Variants in ANKRD44 observed in about 807,000 individuals in gnomAD.
The protein encoded by ANKRD44 is serine/threonine-protein phosphatase 6 regulatory ankyrin repeat subunit B.
In ANKRD44, 35 loss-of-function variants were observed where a neutral mutation model predicts 116.0. The ratio of observed to expected loss-of-function variants is 0.30; its 90% CI spans 0.23 to 0.40. The LOEUF is 0.40. Among genes scored for constraint, ANKRD44 ranks in the 10% least tolerant of loss-of-function variants. The pLI, the probability that ANKRD44 is intolerant of heterozygous loss-of-function variation, is 1.00. For synonymous variants in ANKRD44, 435 were observed against 461.8 expected (o/e 0.94, Z 0.74); for missense variants, 1,014 against 1,242.6 (o/e 0.82, Z 2.77).
chr2:197,292,550 A>G (rs1175155965), intron 1 of ANKRD44, among the ~76,000 whole-genome samples: 1 of 152,234 alleles, frequency 6.6e-6, no homozygotes, highest in Non-Finnish European at 1.5e-5. Context: ...CAACATTTGT[A>G]TTATGCCAGG....
rs75046183 is a variant in ANKRD44 at position 197,130,125 on chromosome 2, C to T, written c.262-4088G>A. ...TCCCTGAGGCTGCTCTTAAGTCCTG[C>T]AGGCTTATGCTATATTACTGTAATC... is the stretch of plus-strand genomic sequence containing the variant. On this transcript the variant is annotated intron_variant, in intron 4 of 27. Transcript: ENST00000282272. Among the ~76,000 whole-genome samples, 20 of 152,288 alleles carry T rather than the reference C, an allele frequency of 1.3e-4. 1 individual carries two copies. In the East Asian group the frequency reaches 3.9e-3, roughly 29 times the overall value.
intron 16 of ANKRD44, among the ~76,000 whole-genome samples, chr2:197,070,130 G>C (rs1291345699): frequency 6.6e-6 from 1 of 152,002 alleles, no homozygotes; most frequent in Non-Finnish European, 1.5e-5. Flanking sequence ...ATGACTTCTA[G>C]GATTTTTTGG....
intron 16 of ANKRD44, among the ~76,000 whole-genome samples, chr2:197,057,238 T>A (rs1222147179): frequency 6.6e-6 from 1 of 152,246 alleles, no homozygotes; most frequent in Admixed American, 6.5e-5. Flanking sequence ...AATACTTGCA[T>A]TGATTGAAAT....
intron 1 of ANKRD44, among the ~76,000 whole-genome samples, chr2:197,245,976 C>A (rs1381692881): frequency 6.6e-6 from 1 of 152,138 alleles, no homozygotes; most frequent in African/African-American, 2.4e-5. Flanking sequence ...TGAACTCTAT[C>A]CCAGTGCTTC....
Position 197,212,418 on chromosome 2 carries a change from G to C in ANKRD44, c.28-25312C>G, listed in dbSNP as rs115499625. On this transcript the variant is annotated intron_variant, in intron 1 of 27. Transcript: ENST00000282272. This position sits in a 1 kb window ranked among gnomAD's most constrained non-coding sequence, Gnocchi z 4.8. ...CCCCTATGTATTTAATGGTTATCTA[G>C]TCAGTCCATTGTTGCCTAGACAAAG... Among the ~76,000 whole-genome samples the C allele has an allele frequency of 2.0e-3, 310 of 152,240 alleles. 3 individuals carry two copies. The highest frequency in any genetic ancestry group is 6.4e-3 in the African/African-American group (265 of 41,542).
intron 1 of ANKRD44, among the ~76,000 whole-genome samples, chr2:197,193,487 G>A (rs1212446074): frequency 2.6e-5 from 4 of 152,100 alleles, no homozygotes; most frequent in Non-Finnish European, 5.9e-5. Context: ...TTAATGCTAT[G>A]GTATCAGACT....
intron 16 of ANKRD44, among the ~76,000 whole-genome samples, chr2:197,027,789 G>A (rs896942386): frequency 2.6e-5 from 4 of 151,304 alleles, no homozygotes; most frequent in African/African-American, 9.7e-5. Context: ...CAGGCTTAAC[G>A]GATTCTCCCA....
At chr2:197,112,453 T>C (rs186015822) in intron 8 of ANKRD44, among the ~76,000 whole-genome samples, 1 of 152,298 alleles carries the variant, frequency 6.6e-6, no homozygotes, top group Admixed American at 6.5e-5. Flanking sequence ...CTCACGCCTG[T>C]AATCCCAGCA....
At chr2:197,223,623 T>A (rs1335257343) in intron 1 of ANKRD44, among the ~76,000 whole-genome samples, 1 of 152,190 alleles carries the variant, frequency 6.6e-6, no homozygotes, top group Non-Finnish European at 1.5e-5. Flanking sequence ...TAATTTCCTT[T>A]TACACAGATG....
intron 16 of ANKRD44, among the ~76,000 whole-genome samples, chr2:197,064,096 T>G (rs1323608212): frequency 2.6e-5 from 4 of 152,218 alleles, no homozygotes; most frequent in Non-Finnish European, 5.9e-5. Context: ...GACTAACAGC[T>G]GATCTCTTGG....
intron 4 of ANKRD44, among the ~76,000 whole-genome samples, chr2:197,128,820 T>C (rs2697265): frequency 0.94 from 142,554 of 152,262 alleles, 66,945 homozygotes; most frequent in East Asian, 1. Flanking sequence ...TTTAACAGTG[T>C]TTTTCAAACT....
At chr2:197,159,228 T>C (rs1026762090) in intron 2 of ANKRD44, among the ~76,000 whole-genome samples, 6 of 152,236 alleles carry the variant, frequency 3.9e-5, no homozygotes, top group African/African-American at 1.4e-4. Context: ...TTAGTAGTTC[T>C]TTCCAAGTTT....
intron 21 of ANKRD44, among the ~76,000 whole-genome samples, chr2:196,980,461 T>C (rs1282829739): frequency 6.6e-6 from 1 of 152,264 alleles, no homozygotes; most frequent in African/African-American, 2.4e-5. Context: ...AGCTTTCTAT[T>C]TATTTAGTTT....
chr2:196,989,519 CACACAT>C lies in ANKRD44; in HGVS notation c.*66_*71del. On this transcript the variant is annotated 3_prime_UTR_variant, in exon 28 of 28. Transcript: ENST00000282272. ...AGCTGGCTGATGAACTACACACACA[CACACAT>C]ATATATATATATACACACGCACACA... The C allele has an allele frequency of 6.7e-7, 1 of 1,484,168 alleles. No homozygotes were observed. The highest frequency in any genetic ancestry group is 1.4e-5 in the African/African-American group (1 of 70,664). 91.9% of individuals were successfully genotyped at this position (1,484,168 alleles called of 1,614,324 possible). A position where few individuals can be genotyped will look rare whatever the true frequency, so the allele number is the denominator to read the frequency against.
At chr2:197,065,028 T>G (rs2077400615) in intron 16 of ANKRD44, among the ~76,000 whole-genome samples, 1 of 152,132 alleles carries the variant, frequency 6.6e-6, no homozygotes, top group Admixed American at 6.5e-5. Flanking sequence ...TCGCACTTAT[T>G]CCAAAATTGA....
chr2:197,019,889 C>T (rs1027670527), intron 17 of ANKRD44, among the ~76,000 whole-genome samples: 7 of 151,796 alleles, frequency 4.6e-5, no homozygotes, highest in Non-Finnish European at 5.9e-5. Flanking sequence ...CTCCACCTCC[C>T]GGGTTCAAGT....
intron 1 of ANKRD44, among the ~76,000 whole-genome samples, chr2:197,196,802 T>A (rs1430198923): frequency 6.6e-6 from 1 of 152,180 alleles, no homozygotes; most frequent in Non-Finnish European, 1.5e-5. Flanking sequence ...CCCATGACAA[T>A]TTTCCTTTAA....
chr2:197,252,459 C>T lies in ANKRD44; in HGVS notation c.27+58119G>A, dbSNP rs908871580. On this transcript the variant is annotated intron_variant, in intron 1 of 27. Coordinates refer to ENST00000282272, the MANE Select transcript of ANKRD44 (RefSeq NM_001195144.2). ...GGAGTCTCTGTCGCCCAGGCTGGAG[C>T]GCAGTAGCGCGATCTCGGCTCACTG... is the stretch of plus-strand genomic sequence containing the variant. Among the ~76,000 whole-genome samples, 7 of 151,896 alleles carry T rather than the reference C, an allele frequency of 4.6e-5. No individual in the cohort carries two copies. In the East Asian group the frequency reaches 9.7e-4, roughly 21 times the overall value.
At chr2:197,119,649 A>G (rs1338957776) in intron 8 of ANKRD44, among the ~76,000 whole-genome samples, 1 of 152,244 alleles carries the variant, frequency 6.6e-6, no homozygotes, top group Non-Finnish European at 1.5e-5. Flanking sequence ...TAAGATTTTA[A>G]TAGTGAATAG....
Sources: gnomAD v4.1 joint callset for allele counts (sites outside exome capture counted in the v4.1 genomes callset) on GRCh38, gnomAD v4.1.1 for gene constraint, Gnocchi (gnomAD v3.1) non-coding constraint, MANE v1.5 for transcripts, NCBI Gene and HGNC (gene_info 2026-07-23, HGNC 2026-07-21) for gene names.